Variants in SLC4A4 observed in about 807,000 individuals in gnomAD.
The protein encoded by SLC4A4 is electrogenic sodium bicarbonate cotransporter 1.
SLC4A4 carries 27 observed loss-of-function variants against 111.5 expected under a neutral mutation model. That is an observed-to-expected ratio of 0.24 (90% CI 0.18 to 0.33). The LOEUF (loss-of-function observed/expected upper bound fraction) is 0.33, where lower values mean the gene tolerates loss of function less well. Among genes scored for constraint, SLC4A4 ranks in the 10% least tolerant of loss-of-function variants. The pLI is 1.00. For synonymous variants in SLC4A4, 443 were observed against 463.4 expected (o/e 0.96, Z 0.57); for missense variants, 909 against 1,315.5 (o/e 0.69, Z 4.78).
At chr4:71,114,191 A>G (rs966754495) in intron 2 of SLC4A4, among the ~76,000 whole-genome samples, 2 of 152,176 alleles carry the variant, frequency 1.3e-5, no homozygotes, top group African/African-American at 4.8e-5. Flanking sequence ...GCTTGCAGTG[A>G]GTCGAGATGG....
At chr4:71,317,073 T>C (rs1560404946) in intron 3 of SLC4A4, among the ~76,000 whole-genome samples, 1 of 48,650 alleles carries the variant, frequency 2.1e-5, no homozygotes, top group African/African-American at 5.3e-5. Flanking sequence ...TGTGTGTGTG[T>C]GCGTGTGTGT....
chr4:71,397,650 C>G lies in SLC4A4; in HGVS notation c.804C>G (p.Asp268Glu), dbSNP rs758750649. 5.0e-6 allele frequency: 8 copies of G among 1,613,500 alleles called. No homozygotes were observed. Among genetic ancestry groups the G allele is most frequent in the Non-Finnish European group, 6.8e-6 (8 of 1,179,548 alleles). Residue 268 changes from aspartate (D) to glutamate (E), a missense_variant, in exon 7 of 26, where the codon GAC becomes GAG. By Grantham distance (45) the Asp-to-Glu change is conservative. This residue lies in a region of SLC4A4 where 312 missense variants were observed against 402.0 expected (regional missense o/e 0.78). Coordinates refer to ENST00000264485, the MANE Select transcript of SLC4A4 (RefSeq NM_001098484.3). The stretch of plus-strand genomic sequence containing the variant: ...ACATTTCTGATAAACCGGAGAAGGA[C>G]CAGGTAAGCAAAAAATTCTTGCTTC... Reference protein sequence around the residue: ...LNDISDKPEKDQLKNKFMKKL... With the variant: ...LNDISDKPEKEQLKNKFMKKL...
intron 1 of SLC4A4, among the ~76,000 whole-genome samples, chr4:71,190,221 C>G (rs1745664201): frequency 6.6e-6 from 1 of 152,102 alleles, no homozygotes; most frequent in Non-Finnish European, 1.5e-5. Context: ...TTGCCTTTCT[C>G]CCAATATATA....
intron 1 of SLC4A4, among the ~76,000 whole-genome samples, chr4:71,225,921 T>G (rs1404285056): frequency 6.6e-6 from 1 of 152,256 alleles, no homozygotes; most frequent in African/African-American, 2.4e-5. Context: ...CTACAAATAA[T>G]TTATCACTGA....
intron 3 of SLC4A4, among the ~76,000 whole-genome samples, chr4:71,274,849 A>G (rs1243829054): frequency 6.6e-6 from 1 of 152,230 alleles, no homozygotes; most frequent in Non-Finnish European, 1.5e-5. Context: ...AGTTTAGGTC[A>G]TAAAAAACTA....
At chr4:71,318,705 C>T (rs187677972) in intron 3 of SLC4A4, among the ~76,000 whole-genome samples, 4 of 151,848 alleles carry the variant, frequency 2.6e-5, no homozygotes, top group African/African-American at 9.6e-5. Flanking sequence ...CATTGGCCAG[C>T]TTTTCTTTGA....
chr4:71,220,849 T>G (rs1718704918), intron 1 of SLC4A4, among the ~76,000 whole-genome samples: 1 of 152,158 alleles, frequency 6.6e-6, no homozygotes, highest in Non-Finnish European at 1.5e-5. Context: ...AGTTGTCTTT[T>G]CTGCTCCTCT....
In SLC4A4 at chr4:71,171,735, A is replaced by C. The variant is rs948291991; in HGVS notation, c.-1-64841A>C. Reference sequence around the variant, plus strand: ...GTAAATTTTCTTTTGCATTCTCTGAAAAATCACCTCCATCTACTTGATTAC... The same window carrying C: ...GTAAATTTTCTTTTGCATTCTCTGACAAATCACCTCCATCTACTTGATTAC... On this transcript the variant is annotated intron_variant, in intron 2 of 26. Transcript: ENST00000649996. Among the ~76,000 whole-genome samples the C allele has an allele frequency of 4.6e-5, 7 of 152,200 alleles. No homozygotes were observed. In the East Asian group the frequency reaches 1.3e-3, roughly 29 times the overall value.
At chr4:71,413,210 G>A (rs1721538735) in intron 7 of SLC4A4, among the ~76,000 whole-genome samples, 1 of 152,180 alleles carries the variant, frequency 6.6e-6, no homozygotes, top group South Asian at 2.1e-4. Flanking sequence ...ATAATAGCAT[G>A]ACTACTACAG....
At chr4:71,529,824 C>G (rs1007923521) in intron 16 of SLC4A4, among the ~76,000 whole-genome samples, 4 of 152,098 alleles carry the variant, frequency 2.6e-5, no homozygotes, top group African/African-American at 4.8e-5. Flanking sequence ...GTTGCATTTT[C>G]TAGGTGAGGA....
At chr4:71,187,910 C>T (rs563959060) in intron 1 of SLC4A4, among the ~76,000 whole-genome samples, 40 of 152,352 alleles carry the variant, frequency 2.6e-4, no homozygotes, top group African/African-American at 9.1e-4. Context: ...GCATTTACAT[C>T]TCTCCCTGGC....
At chr4:71,418,548 T>C (rs1044231822) in intron 7 of SLC4A4, among the ~76,000 whole-genome samples, 21 of 152,236 alleles carry the variant, frequency 1.4e-4, no homozygotes, top group African/African-American at 4.8e-4. Flanking sequence ...CAATAGCTCT[T>C]TTTAGGCCTC....
intron 1 of SLC4A4, among the ~76,000 whole-genome samples, chr4:71,076,872 C>T (rs368051202): frequency 1.3e-5 from 2 of 151,784 alleles, no homozygotes; most frequent in East Asian, 1.9e-4. Flanking sequence ...GGGCTGTAGT[C>T]CCAGCTTCTT....
At chr4:71,392,063 T>C (rs186000883) in intron 6 of SLC4A4, among the ~76,000 whole-genome samples, 215 of 152,224 alleles carry the variant, frequency 1.4e-3, no homozygotes, top group African/African-American at 5.0e-3. Context: ...AAGAACGTTG[T>C]TAGGAACCTG....
chr4:71,397,727 G>T (rs1186176480), intron 7 of SLC4A4, 74 bp downstream of exon 7: 5 of 1,323,312 alleles, frequency 3.8e-6, no homozygotes, highest in Non-Finnish European at 5.5e-6. Context: ...AGGATTAGAG[G>T]TGATGGTTGC....
intron 2 of SLC4A4, among the ~76,000 whole-genome samples, chr4:71,174,012 G>A (rs977931517): frequency 6.6e-6 from 1 of 152,088 alleles, no homozygotes; most frequent in African/African-American, 2.4e-5. Context: ...TGTTAATGAG[G>A]CTATCAATAT....
At chr4:71,444,452 A>G (rs1725045077) in intron 8 of SLC4A4, among the ~76,000 whole-genome samples, 2 of 152,208 alleles carry the variant, frequency 1.3e-5, no homozygotes, top group Admixed American at 1.3e-4. Context: ...GAACTTAGTA[A>G]CATAAATTAA....
chr4:71,080,438 C>T (rs949409369), intron 1 of SLC4A4, among the ~76,000 whole-genome samples: 18 of 151,976 alleles, frequency 1.2e-4, no homozygotes, highest in Admixed American at 4.6e-4. Flanking sequence ...AGAGTGCCTG[C>T]GCTTTCAATA....
At chr4:71,458,075 T>C (rs561815447) in intron 12 of SLC4A4, among the ~76,000 whole-genome samples, 87 of 152,270 alleles carry the variant, frequency 5.7e-4, no homozygotes, top group Non-Finnish European at 8.4e-4. Flanking sequence ...CCCATTCATA[T>C]GGATGGGCCA....
Sources: gnomAD v4.1 joint callset for allele counts (sites outside exome capture counted in the v4.1 genomes callset) on GRCh38, gnomAD v4.1.1 for gene constraint, gnomAD v4.1.1 regional missense constraint, MANE v1.5 for transcripts, NCBI Gene and HGNC (gene_info 2026-07-23, HGNC 2026-07-21) for gene names.